KIF21A: variants seen among roughly 807,000 people sequenced by gnomAD.
KIF21A encodes the protein kinesin family member 21A, also known as kinesin-like protein KIF21A.
A neutral mutation model predicts 202.9 loss-of-function variants in KIF21A; 114 were observed. The ratio of observed to expected loss-of-function variants is 0.56; its 90% CI spans 0.48 to 0.66. The LOEUF is 0.66. Ranked by LOEUF, KIF21A falls within the 30% of genes least tolerant of loss-of-function variation. KIF21A has a pLI of 0.00. For missense variants in KIF21A, 1,677 were observed against 1,994.9 expected (o/e 0.84, Z 3.04); for synonymous variants, 667 against 670.8 (o/e 0.99, Z 0.09).
At chr12:39,415,219 G>A (rs1337393061) in intron 1 of KIF21A, among the ~76,000 whole-genome samples, 1 of 140,864 alleles carries the variant, frequency 7.1e-6, no homozygotes, top group African/African-American at 2.9e-5. Context: ...TTAAAAGTCT[G>A]GTAGAGAATG....
intron 29 of KIF21A, among the ~76,000 whole-genome samples, chr12:39,316,754 G>C (rs1375324228): frequency 6.6e-6 from 1 of 152,162 alleles, no homozygotes; most frequent in Non-Finnish European, 1.5e-5. Context: ...AGGAGCCCCA[G>C]AGAAAGTAAT....
chr12:39,325,514 T>G (rs1447640528), intron 26 of KIF21A, among the ~76,000 whole-genome samples: 1 of 148,244 alleles, frequency 6.7e-6, no homozygotes, highest in East Asian at 2.0e-4. Flanking sequence ...TTTTTTTTTT[T>G]TTGTATTTTT....
chr12:39,306,601 A>T (rs1221328999), intron 34 of KIF21A, among the ~76,000 whole-genome samples: 3 of 152,248 alleles, frequency 2.0e-5, no homozygotes, highest in Admixed American at 2.0e-4. Flanking sequence ...CATCCATTTG[A>T]TTTACCACTG....
chr12:39,438,795 C>T (rs567720649), intron 1 of KIF21A, among the ~76,000 whole-genome samples: 55 of 152,256 alleles, frequency 3.6e-4, no homozygotes, highest in Admixed American at 1.2e-3. Context: ...AAAGGAAAAA[C>T]ATTTCAAAGT....
Position 39,351,657 on chromosome 12 carries a change from A to G in KIF21A, c.1673+120T>C, listed in dbSNP as rs1193929987. ...CTAGATAGTTGTAGTTTCAGCTAAC[A>G]TAGTGATTTATTTCATATACTAAGG... On this transcript the variant is annotated intron_variant, in intron 11 of 37. Coordinates refer to ENST00000361418, the MANE Select transcript of KIF21A (RefSeq NM_001173464.2). 5 of 643,724 alleles carry G rather than the reference A, an allele frequency of 7.8e-6. No homozygotes were observed. The Admixed American group carries it at 1.4e-4, about 19-fold the overall frequency. The allele number at this position is 643,724 out of a possible 1,614,324, so 39.9% of individuals were successfully genotyped here. A position where few individuals can be genotyped will look rare whatever the true frequency, so the allele number is the denominator to read the frequency against.
chr12:39,435,213 T>C (rs1254944858), intron 1 of KIF21A, among the ~76,000 whole-genome samples: 1 of 152,228 alleles, frequency 6.6e-6, no homozygotes, highest in Non-Finnish European at 1.5e-5. Flanking sequence ...AGATTGACCC[T>C]GGGGTTAAAT....
At chr12:39,369,683 T>C (rs762582969) in intron 3 of KIF21A, 46 bp downstream of exon 3, 9 of 1,465,718 alleles carry the variant, frequency 6.1e-6, no homozygotes, top group Admixed American at 5.1e-5. Flanking sequence ...ACACAGTCTA[T>C]AAGAACAAAA....
Position 39,363,160 on chromosome 12 carries a change from T to G in KIF21A, c.957A>C (p.Thr319=). ...SALGDKSKRA[T]HVPYRDSKLT... is the part of the protein sequence containing the mutation. ...GCTTGGAATCTCTATAGGGGACATGTGTGGCCCTCTTGCTCTTGTCTCCCA... is the reference window on the plus strand; with the variant it reads ...GCTTGGAATCTCTATAGGGGACATGGGTGGCCCTCTTGCTCTTGTCTCCCA... Residue 319 remains threonine (T), a synonymous_variant, in exon 7 of 38, where the codon ACA becomes ACC. Coordinates refer to ENST00000361418, the MANE Select transcript of KIF21A (RefSeq NM_001173464.2). The G allele has an allele frequency of 6.2e-7, 1 of 1,613,428 alleles. No homozygotes were observed. The highest frequency in any genetic ancestry group is 8.5e-7 in the Non-Finnish European group (1 of 1,179,550).
At chr12:39,429,069 A>T (rs1039451726) in intron 1 of KIF21A, among the ~76,000 whole-genome samples, 1 of 152,204 alleles carries the variant, frequency 6.6e-6, no homozygotes, top group South Asian at 2.1e-4. Context: ...GGTCTTAGTA[A>T]AAACCTTGTT....
chr12:39,356,910 A>G lies in KIF21A; in HGVS notation c.1406-15T>C, dbSNP rs1288953289. On this transcript the variant is annotated splice_polypyrimidine_tract_variant and intron_variant, in intron 9 of 37. Coordinates refer to ENST00000361418, the MANE Select transcript of KIF21A (RefSeq NM_001173464.2). ...ATTTCCTTCACCTGAAAGACAAAATATGAAATAAAAATTTTCCTTTAAATT... is the reference window on the plus strand; with the variant it reads ...ATTTCCTTCACCTGAAAGACAAAATGTGAAATAAAAATTTTCCTTTAAATT... 2 of 1,170,932 alleles carry G rather than the reference A, an allele frequency of 1.7e-6. No individual in the cohort carries two copies. Among genetic ancestry groups the G allele is most frequent in the African/African-American group, 1.5e-5 (1 of 65,986 alleles). The allele number at this position is 1,170,932 out of a possible 1,614,324, so 72.5% of individuals were successfully genotyped here. A position where few individuals can be genotyped will look rare whatever the true frequency, so the allele number is the denominator to read the frequency against.
chr12:39,346,392 T>C (rs1592260317), intron 12 of KIF21A, 74 bp downstream of exon 12: 3 of 1,108,154 alleles, frequency 2.7e-6, no homozygotes, highest in South Asian at 2.2e-5. Flanking sequence ...TATAATACTA[T>C]AACACATTTC....
rs1948412946 is a variant in KIF21A, at chr12:39,351,880, A to T, written c.1570T>A (p.Ser524Thr). Residue 524 changes from serine (S) to threonine (T), a missense_variant, in exon 11 of 38, where the codon TCT (serine) becomes ACT (threonine). By Grantham distance (58) the Ser-to-Thr change is moderately conservative. Transcript: ENST00000361418. The stretch of plus-strand genomic sequence containing the variant: ...TTGTCTGAGGATAGTATGGTAGGAG[A>T]AAAAGTTGATGATCCGCTGAAATAT... ...APYFSGSSTF[S>T]PTILSSDKET... is the part of the protein sequence containing the mutation. The T allele has an allele frequency of 6.2e-7, 1 of 1,612,928 alleles. No individual in the cohort carries two copies. The highest frequency in any genetic ancestry group is 8.5e-7 in the Non-Finnish European group (1 of 1,179,162).
In KIF21A at chr12:39,342,087, C is replaced by T; in HGVS notation, c.1750G>A (p.Glu584Lys). The change falls in exon 13 of 38, where the codon GAG becomes AAG. Residue 584 changes from glutamate to lysine, a missense_variant. Physicochemically the swap from Glu to Lys is moderately conservative, Grantham distance 56. Around this residue, in one of 3 missense-constraint regions of KIF21A, gnomAD observed 966 missense variants for 1,180.9 expected, o/e 0.82. Coordinates refer to ENST00000361418, the MANE Select transcript of KIF21A (RefSeq NM_001173464.2). ...GKEDNTDTDQ[E>K]KKEEKGVSER... ...GAAACACCCTTTTCTTCTTTCTTCTCTTGGTCAGTGTCTGTATTATCCTCT... is the reference window on the plus strand; with the variant it reads ...GAAACACCCTTTTCTTCTTTCTTCTTTTGGTCAGTGTCTGTATTATCCTCT... The T allele has an allele frequency of 6.2e-7, 1 of 1,611,926 alleles. No individual in the cohort carries two copies. Among genetic ancestry groups the T allele is most frequent in the Non-Finnish European group, 8.5e-7 (1 of 1,178,386 alleles).
intron 1 of KIF21A, among the ~76,000 whole-genome samples, chr12:39,417,031 A>G (rs540154259): frequency 6.6e-5 from 10 of 152,034 alleles, no homozygotes; most frequent in African/African-American, 2.4e-4. Context: ...CACTAACTCA[A>G]TCATTAAATA....
chr12:39,321,145 C>G (rs1264948621), intron 27 of KIF21A, among the ~76,000 whole-genome samples: 1 of 152,008 alleles, frequency 6.6e-6, no homozygotes, highest in Non-Finnish European at 1.5e-5. Flanking sequence ...AGTAAAATTA[C>G]GCAGTAATGG....
At chr12:39,354,108 T>C (rs1457431354) in intron 10 of KIF21A, among the ~76,000 whole-genome samples, 1 of 152,098 alleles carries the variant, frequency 6.6e-6, no homozygotes, top group East Asian at 1.9e-4. Context: ...GTTTTGAGAA[T>C]CAATGATAAA....
At position 39,327,986 on chromosome 12, in the gene KIF21A, A is replaced by T. The variant is rs1297166700; in HGVS notation, c.3341-1662T>A. ...TGGATTTTTAAAAGTCTTCCTTTAAAGTTATTCTTTTAAAAAGTTTTTTAT... is the reference window on the plus strand; with the variant it reads ...TGGATTTTTAAAAGTCTTCCTTTAATGTTATTCTTTTAAAAAGTTTTTTAT... On this transcript the variant is annotated intron_variant, in intron 24 of 37. Coordinates refer to ENST00000361418, the MANE Select transcript of KIF21A (RefSeq NM_001173464.2). 3.3e-5 allele frequency among the ~76,000 whole-genome samples: 5 copies of T among 152,200 alleles called. No homozygotes were observed. The East Asian group carries it at 7.7e-4, about 23-fold the overall frequency.
Position 39,358,186 on chromosome 12 carries a change from A to C in KIF21A, c.1207T>G (p.Tyr403Asp). ...CAAACTCATTAGCTTACTGTTTTGT[A>C]CTCCATGAGCTCCATCTGAAGTCGT... ...ITRLQMELME[Y>D]KTGKRIIDEE... Residue 403 changes from tyrosine (Y) to aspartate (D), a missense_variant, in exon 8 of 38, where the codon TAC (tyrosine) becomes GAC (aspartate). Tyr to Asp is a radical substitution (Grantham distance 160). Coordinates refer to ENST00000361418, the MANE Select transcript of KIF21A (RefSeq NM_001173464.2). 1 of 1,613,874 alleles carries C rather than the reference A, an allele frequency of 6.2e-7. No homozygotes were observed. The highest frequency in any genetic ancestry group is 8.5e-7 in the Non-Finnish European group (1 of 1,179,864).
At chr12:39,409,809 A>G (rs185310923) in intron 1 of KIF21A, among the ~76,000 whole-genome samples, 552 of 152,044 alleles carry the variant, frequency 3.6e-3, no homozygotes, top group Non-Finnish European at 7.2e-3. Context: ...GTGAATCTGG[A>G]AATAGAGAAA....
Sources: gnomAD v4.1 joint callset for allele counts (sites outside exome capture counted in the v4.1 genomes callset) on GRCh38, gnomAD v4.1.1 for gene constraint, gnomAD v4.1.1 regional missense constraint, MANE v1.5 for transcripts, NCBI Gene and HGNC (gene_info 2026-07-23, HGNC 2026-07-21) for gene names.